CX3CR1: variants seen among roughly 807,000 people sequenced by gnomAD.
The protein encoded by CX3CR1 is C-X3-C motif chemokine receptor 1.
For synonymous variants in CX3CR1, 168 were observed against 178.5 expected, an observed-to-expected ratio of 0.94 and a Z score of 0.47; for missense variants, 363 against 432.4, an observed-to-expected ratio of 0.84 and a Z score of 1.42.
At chr3:39,291,310 G>A in the CX3CR1 span, among the ~76,000 whole-genome samples, 5 of 152,100 alleles carry the variant, frequency 3.3e-5, no homozygotes, top group South Asian at 4.1e-4. Flanking sequence ...ACCAGCCTCC[G>A]TCTCCCAAAG....
upstream of CX3CR1, chr3:39,281,224 T>C (rs55969225): frequency 1.4e-3 from 1,429 of 1,039,210 alleles, 10 homozygotes; most frequent in African/African-American, 0.023. Context: ...TTGGTCTCAG[T>C]GTTTGGCCAC....
upstream of CX3CR1, chr3:39,286,429 T>C (rs2040943312): frequency 6.6e-6 from 1 of 151,774 alleles, no homozygotes; most frequent in East Asian, 1.9e-4. Context: ...GGCGGGTGGA[T>C]CATGAGGTCA....
upstream of CX3CR1, among the ~76,000 whole-genome samples, chr3:39,285,449 C>T (rs1348198428): frequency 6.6e-6 from 1 of 152,102 alleles, no homozygotes; most frequent in African/African-American, 2.4e-5. Flanking sequence ...TATTTACTAC[C>T]TCCTTCTGTC....
chr3:39,273,526 G>T (rs968820621), intron 1 of CX3CR1, among the ~76,000 whole-genome samples: 3 of 152,220 alleles, frequency 2.0e-5, no homozygotes, highest in Non-Finnish European at 4.4e-5. Flanking sequence ...CCCTGGGCAG[G>T]TCACTCTGCT....
At chr3:39,286,486 T>TA (rs1486568476), upstream of CX3CR1, 1 of 150,490 alleles carries the variant, frequency 6.6e-6, no homozygotes, top group Non-Finnish European at 1.5e-5. Flanking sequence ...CCGTCTCTAC[T>TA]AAAAAATACA....
At chr3:39,286,519 CGG>C (rs2040943997), upstream of CX3CR1, 1 of 151,564 alleles carries the variant, frequency 6.6e-6, no homozygotes, top group African/African-American at 2.4e-5. Flanking sequence ...GGCGCGGTGG[CGG>C]GCGCCTGTAG....
At chr3:39,287,400 G>A in the CX3CR1 span, 2 of 152,200 alleles carry the variant, frequency 1.3e-5, no homozygotes, top group Admixed American at 6.5e-5. Flanking sequence ...TTGGCCAGGA[G>A]GGAGTGTTTG....
upstream of CX3CR1, chr3:39,280,327 G>T (rs1348913240): frequency 2.0e-6 from 2 of 985,346 alleles, no homozygotes; most frequent in South Asian, 4.7e-5. Context: ...TTAATGGGGA[G>T]CCTTCAGGAA....
At chr3:39,282,478 G>A (rs2040912218), upstream of CX3CR1, among the ~76,000 whole-genome samples, 1 of 152,224 alleles carries the variant, frequency 6.6e-6, no homozygotes, top group South Asian at 2.1e-4. Context: ...TAAATGCAGA[G>A]GACAGTTTGG....
chr3:39,269,849 A>G (rs758357308), intron 1 of CX3CR1, among the ~76,000 whole-genome samples: 3 of 152,232 alleles, frequency 2.0e-5, no homozygotes, highest in Non-Finnish European at 2.9e-5. Flanking sequence ...GGTCCCTGCT[A>G]TGAGCCATCT....
At position 39,265,803 on chromosome 3, in the gene CX3CR1, A is replaced by G. The variant is rs760818722; in HGVS notation, c.707T>C (p.Val236Ala). 3 of 1,614,150 alleles carry G rather than the reference A, an allele frequency of 1.9e-6. No individual in the cohort carries two copies. In the South Asian group the frequency reaches 3.3e-5, roughly 18 times the overall value. The stretch of plus-strand genomic sequence containing the variant: ...CCAGAAGAGGAAAAACACGATGACC[A>G]CCAGAAGGATCAGTTTAATGGCTTT... The part of the protein sequence containing the change: ...KAKAIKLILL[V>A]VIVFFLFWTP... Residue 236 changes from valine (V) to alanine (A), a missense_variant, in exon 2 of 2, where the codon GTG becomes GCG. Coordinates refer to ENST00000399220, the MANE Select transcript of CX3CR1 (RefSeq NM_001337.4).
intron 1 of CX3CR1, among the ~76,000 whole-genome samples, chr3:39,278,107 A>C (rs1327825672): frequency 6.6e-6 from 1 of 152,160 alleles, no homozygotes; most frequent in Non-Finnish European, 1.5e-5. Flanking sequence ...TCATTCCTTC[A>C]TTCCAAAGCC....
In CX3CR1 at chr3:39,265,976, G is replaced by A; in HGVS notation, c.534C>T (p.Asp178=). 1 of 1,614,190 alleles carries A rather than the reference G, an allele frequency of 6.2e-7. No homozygotes were observed. Among genetic ancestry groups the A allele is most frequent in the Middle Eastern group, 1.6e-4 (1 of 6,062 alleles). The change falls in exon 2 of 2, where the codon GAC becomes GAT. Residue 178 remains aspartate, a synonymous_variant. Transcript: ENST00000399220. ...AGATTTCCTGGAGGACCTCGGGGTA[G>A]TCACCAAGGCATTCATTTTCTTTCT... ...TKQKENECLG[D]YPEVLQEIWP...
At chr3:39,282,398 ACT>A (rs1180430698), upstream of CX3CR1, among the ~76,000 whole-genome samples, 1 of 151,900 alleles carries the variant, frequency 6.6e-6, no homozygotes, top group African/African-American at 2.4e-5. Flanking sequence ...CTTTGGCTTC[ACT>A]CTCTGTTGGA....
At chr3:39,272,390 C>T (rs1307671792) in intron 1 of CX3CR1, among the ~76,000 whole-genome samples, 2 of 152,186 alleles carry the variant, frequency 1.3e-5, no homozygotes, top group Non-Finnish European at 2.9e-5. Flanking sequence ...CGTGGCTGAT[C>T]CTGGTCTACT....
At chr3:39,283,795 T>TTTTATATATATA (rs1553606448), upstream of CX3CR1, among the ~76,000 whole-genome samples, 18 of 65,274 alleles carry the variant, frequency 2.8e-4, no homozygotes, top group Non-Finnish European at 4.8e-4. Flanking sequence ...AAAAAAAAAA[T>TTTTATATATATA]TATATATATA....
chr3:39,279,246 GA>G (rs564880008), intron 1 of CX3CR1, among the ~76,000 whole-genome samples: 1,652 of 149,252 alleles, frequency 0.011, 24 homozygotes, highest in African/African-American at 0.039. Flanking sequence ...GAAGAAAAAG[GA>G]AAAAAAAACC....
At chr3:39,271,177 G>A (rs576904180) in intron 1 of CX3CR1, among the ~76,000 whole-genome samples, 12 of 152,216 alleles carry the variant, frequency 7.9e-5, no homozygotes, top group Admixed American at 5.2e-4. Context: ...GGTACACAGC[G>A]AATGCCATAT....
At chr3:39,290,625 T>C in the CX3CR1 span, among the ~76,000 whole-genome samples, 1 of 152,080 alleles carries the variant, frequency 6.6e-6, no homozygotes, top group African/African-American at 2.4e-5. Context: ...TAGCTACAGA[T>C]AAAAGGTCAG....
Sources: allele counts gnomAD v4.1 joint callset (sites outside exome capture counted in the v4.1 genomes callset), GRCh38; gene constraint gnomAD v4.1.1; transcripts MANE v1.5; gene names NCBI Gene and HGNC (gene_info 2026-07-23, HGNC 2026-07-21).